The following RPS6KA2 variants were observed in gnomAD, a reference collection of about 807,000 sequenced individuals.
The protein encoded by RPS6KA2 is ribosomal protein S6 kinase A2.
Under a neutral mutation model 91.8 loss-of-function variants are expected in RPS6KA2, and 42 were observed. The observed-to-expected ratio is 0.46, with a 90% CI of 0.36 to 0.59. The LOEUF is 0.59. RPS6KA2 is among the 20% of genes least tolerant of loss of function. The pLI, the probability that RPS6KA2 is intolerant of heterozygous loss-of-function variation, is 0.00. For synonymous variants in RPS6KA2, 414 were observed against 393.6 expected, an observed-to-expected ratio of 1.05 and a Z score of -0.61; for missense variants, 798 against 978.5, an observed-to-expected ratio of 0.82 and a Z score of 2.46.
intron 2 of RPS6KA2, among the ~76,000 whole-genome samples, chr6:166,772,995 C>T (rs1157177753): frequency 6.6e-6 from 1 of 152,166 alleles, no homozygotes; most frequent in Non-Finnish European, 1.5e-5. Flanking sequence ...CCACCTCCAC[C>T]CCTTCTCTTC....
chr6:166,860,871 A>G (rs1340938352), intron 1 of RPS6KA2, among the ~76,000 whole-genome samples: 1 of 152,190 alleles, frequency 6.6e-6, no homozygotes, highest in Non-Finnish European at 1.5e-5. Context: ...GGATCTTTCC[A>G]AGGCACCATC....
In RPS6KA2 at chr6:166,498,543, G is replaced by T. The variant is rs374086277; in HGVS notation, c.712C>A (p.Gln238Lys). 1.2e-6 allele frequency: 2 copies of T among 1,613,444 alleles called. No homozygotes were observed. Among genetic ancestry groups the T allele is most frequent in the Admixed American group, 1.7e-5 (1 of 59,932 alleles). ...PEVVNRRGHTQSADWWSFGVL... is the reference protein window; with the variant it reads ...PEVVNRRGHTKSADWWSFGVL... Reference sequence around the variant, plus strand: ...CCGAAGGACCACCAGTCGGCACTCTGCGTGTGTCCTCGCCGGTTCACCACC... The same window carrying T: ...CCGAAGGACCACCAGTCGGCACTCTTCGTGTGTCCTCGCCGGTTCACCACC... The change falls in exon 8 of 21, where the codon CAG becomes AAG. Residue 238 changes from glutamine to lysine, a missense_variant. Physicochemically the swap from Gln to Lys is moderately conservative, Grantham distance 53 (BLOSUM62 1). Coordinates refer to ENST00000265678, the MANE Select transcript of RPS6KA2 (RefSeq NM_021135.6).
intron 10 of RPS6KA2, among the ~76,000 whole-genome samples, chr6:166,479,515 G>T (rs1781111150): frequency 6.6e-6 from 1 of 152,160 alleles, no homozygotes; most frequent in Non-Finnish European, 1.5e-5. Flanking sequence ...CCTGCTAACT[G>T]CCAGGTGAGG....
intron 2 of RPS6KA2, among the ~76,000 whole-genome samples, chr6:166,694,686 G>A (rs1387590042): frequency 1.3e-5 from 2 of 152,154 alleles, no homozygotes; most frequent in Non-Finnish European, 2.9e-5. Context: ...AATATCACTC[G>A]CATTCTGCTA....
At chr6:166,443,310 T>G (rs1433937739) in intron 14 of RPS6KA2, among the ~76,000 whole-genome samples, 2 of 152,220 alleles carry the variant, frequency 1.3e-5, no homozygotes, top group Non-Finnish European at 2.9e-5. Flanking sequence ...GTACGTATCA[T>G]GCAATTCAAC....
At chr6:166,739,270 T>C (rs541917863) in intron 2 of RPS6KA2, among the ~76,000 whole-genome samples, 1 of 152,366 alleles carries the variant, frequency 6.6e-6, no homozygotes, top group African/African-American at 2.4e-5. Context: ...TGTAAATAGT[T>C]TTAAATCTGC....
chr6:166,668,409 G>C (rs528786354), intron 2 of RPS6KA2, among the ~76,000 whole-genome samples: 2 of 152,212 alleles, frequency 1.3e-5, no homozygotes, highest in Non-Finnish European at 2.9e-5. Context: ...ACGTGAGGCT[G>C]TGCTTCATGG....
chr6:166,638,963 T>A (rs1787336229), intron 2 of RPS6KA2, among the ~76,000 whole-genome samples: 1 of 152,134 alleles, frequency 6.6e-6, no homozygotes, highest in Non-Finnish European at 1.5e-5. Context: ...TTGAAAAAGC[T>A]CACTTTAGGA....
chr6:166,471,698 C>T (rs1196916281), intron 10 of RPS6KA2, among the ~76,000 whole-genome samples: 1 of 152,240 alleles, frequency 6.6e-6, no homozygotes, highest in Non-Finnish European at 1.5e-5. Context: ...GACACTGAGG[C>T]TGACACAGGT....
In RPS6KA2 at chr6:166,645,204, G is replaced by GA. The variant is rs144768853; in HGVS notation, c.124-106421dup. ...AAAGTTTCCTATTTGATAAAGACTT[G>GA]AAAATGTAACAAGATGCATAATAGC... On this transcript the variant is annotated intron_variant, in intron 2 of 21. Transcript: ENST00000503859. Among the ~76,000 whole-genome samples the GA allele has an allele frequency of 2.1e-3, 321 of 152,284 alleles. 2 individuals are homozygous for GA. Among genetic ancestry groups the GA allele is most frequent in the African/African-American group, 7.5e-3 (310 of 41,552 alleles).
intron 2 of RPS6KA2, among the ~76,000 whole-genome samples, chr6:166,747,037 T>C (rs2128595677): frequency 6.6e-6 from 1 of 152,298 alleles, no homozygotes. Context: ...TGTTCAGTAA[T>C]CCGAAGCTCC....
intron 11 of RPS6KA2, among the ~76,000 whole-genome samples, chr6:166,461,812 T>C (rs1780319863): frequency 6.6e-6 from 1 of 152,240 alleles, no homozygotes; most frequent in Non-Finnish European, 1.5e-5. Flanking sequence ...CTCTCCTCCG[T>C]GCCAGCTCTT....
At chr6:166,540,602 A>G (rs987348339) in intron 1 of RPS6KA2, among the ~76,000 whole-genome samples, 1 of 152,234 alleles carries the variant, frequency 6.6e-6, no homozygotes, top group Admixed American at 6.5e-5. Context: ...AAAATGCTAG[A>G]GGCACAGCCC....
chr6:166,595,806 C>T (rs1028802549), intron 1 of RPS6KA2, among the ~76,000 whole-genome samples: 7 of 152,156 alleles, frequency 4.6e-5, no homozygotes, highest in Non-Finnish European at 1.0e-4. Context: ...ACACATAAAA[C>T]TACTTGGAGG....
At chr6:166,739,674 G>A (rs1790758371) in intron 2 of RPS6KA2, among the ~76,000 whole-genome samples, 1 of 152,244 alleles carries the variant, frequency 6.6e-6, no homozygotes, top group African/African-American at 2.4e-5. Context: ...ATCACACTCT[G>A]CAAATCCCTC....
chr6:166,602,596 CGCATT>C (rs1785785063), intron 1 of RPS6KA2, among the ~76,000 whole-genome samples: 2 of 152,294 alleles, frequency 1.3e-5, no homozygotes, highest in Non-Finnish European at 1.5e-5. Context: ...TGGAACAAGA[CGCATT>C]CATGCATACA....
At position 166,627,204 on chromosome 6, in the gene RPS6KA2, G is replaced by A. The variant is rs1463129643; in HGVS notation, c.-185C>T. On this transcript the variant is annotated 5_prime_UTR_variant, in exon 1 of 21. Transcript: ENST00000265678. ...GCAGGCCGCGCCGGCCACCGCGGCC[G>A]GGGCCACAATCGCTCCCTCCGCCTC... 1 of 1,039,600 alleles carries A rather than the reference G, an allele frequency of 9.6e-7. No individual in the cohort carries two copies. The highest frequency in any genetic ancestry group is 1.2e-6 in the Non-Finnish European group (1 of 866,524). 64.4% of individuals were successfully genotyped at this position (1,039,600 alleles called of 1,614,324 possible).
intron 2 of RPS6KA2, chr6:166,702,690 G>T: frequency 1.4e-6 from 2 of 1,387,816 alleles, no homozygotes; most frequent in Non-Finnish European, 2.1e-6. Flanking sequence ...TGGCCTTGAG[G>T]GCCCAGATCT....
At chr6:166,536,418 A>G (rs1339438763) in intron 2 of RPS6KA2, among the ~76,000 whole-genome samples, 3 of 152,186 alleles carry the variant, frequency 2.0e-5, no homozygotes, top group African/African-American at 7.2e-5. Flanking sequence ...GGGCATTAGA[A>G]CACACGGCTT....
Sources: gnomAD v4.1 joint callset for allele counts (sites outside exome capture counted in the v4.1 genomes callset) on GRCh38, gnomAD v4.1.1 for gene constraint, MANE v1.5 for transcripts, NCBI Gene and HGNC (gene_info 2026-07-23, HGNC 2026-07-21) for gene names.